The following CRIM1 variants were observed in gnomAD, a reference collection of about 807,000 sequenced individuals.
CRIM1 encodes the protein cysteine-rich motor neuron 1 protein.
A neutral mutation model predicts 116.4 loss-of-function variants in CRIM1; 32 were observed. That is an observed-to-expected ratio of 0.27 (90% CI 0.21 to 0.37). The LOEUF (loss-of-function observed/expected upper bound fraction) is 0.37. CRIM1 is among the 10% of genes least tolerant of loss of function. The pLI is 1.00. For missense variants in CRIM1, 1,331 were observed against 1,354.8 expected (o/e 0.98, Z 0.28); for synonymous variants, 590 against 509.2 (o/e 1.16, Z -2.13).
Position 36,513,602 on chromosome 2 carries a change from C to G in CRIM1, c.1827C>G (p.Leu609=). The change falls in exon 11 of 17, where the codon CTC becomes CTG. Residue 609 remains leucine (L), a synonymous_variant. Coordinates refer to ENST00000280527, the MANE Select transcript of CRIM1 (RefSeq NM_016441.3). The stretch of plus-strand genomic sequence containing the variant: ...CACCCATCCTGTCGGGCACTTGTCT[C>G]ACCGTGGATGGTCATCATCATAAAA... ...AGPPILSGTC[L]TVDGHHHKNE... The G allele has an allele frequency of 6.2e-7, 1 of 1,614,172 alleles. No individual in the cohort carries two copies. Among genetic ancestry groups the G allele is most frequent in the Non-Finnish European group, 8.5e-7 (1 of 1,180,028 alleles).
Position 36,401,076 on chromosome 2 carries a change from A to G in CRIM1, c.505+4289A>G, listed in dbSNP as rs1216274668. Among the ~76,000 whole-genome samples, 5 of 152,038 alleles carry G rather than the reference A, an allele frequency of 3.3e-5. No homozygotes were observed. The South Asian group carries it at 8.3e-4, about 25-fold the overall frequency. ...GTGGTGATGCTGAAAATGAATTCGAAATGTTGCTATAACATTTTTTAAAAC... is the reference window on the plus strand; with the variant it reads ...GTGGTGATGCTGAAAATGAATTCGAGATGTTGCTATAACATTTTTTAAAAC... On this transcript the variant is annotated intron_variant, in intron 2 of 16. Transcript: ENST00000280527.
At chr2:36,369,278 C>G (rs1022386965) in intron 1 of CRIM1, 6 of 152,364 alleles carry the variant, frequency 3.9e-5, no homozygotes, top group East Asian at 1.9e-4. Flanking sequence ...TTGCCCACAT[C>G]TGTGTGCTGT....
intron 2 of CRIM1, among the ~76,000 whole-genome samples, chr2:36,440,489 T>G (rs1231278839): frequency 6.6e-6 from 1 of 152,214 alleles, no homozygotes; most frequent in Non-Finnish European, 1.5e-5. Context: ...GAAGCTAAAC[T>G]GTGGACTGGG....
intron 5 of CRIM1, among the ~76,000 whole-genome samples, chr2:36,474,306 T>G (rs1678785714): frequency 6.6e-6 from 1 of 152,190 alleles, no homozygotes; most frequent in Non-Finnish European, 1.5e-5. Flanking sequence ...GGTGTCCTTT[T>G]AAGTCCCAAA....
At chr2:36,437,847 T>C (rs752045470) in intron 2 of CRIM1, among the ~76,000 whole-genome samples, 8 of 151,846 alleles carry the variant, frequency 5.3e-5, no homozygotes, top group Non-Finnish European at 2.9e-5. Context: ...AAGAGTGGGA[T>C]AACCAGCCGG....
intron 4 of CRIM1, among the ~76,000 whole-genome samples, chr2:36,446,890 G>A (rs1368289465): frequency 6.6e-6 from 1 of 152,196 alleles, no homozygotes; most frequent in African/African-American, 2.4e-5. Context: ...CCCTTTGTGA[G>A]TGTCTGCATG....
chr2:36,368,189 G>A (rs146008729), intron 1 of CRIM1, among the ~76,000 whole-genome samples: 1 of 152,210 alleles, frequency 6.6e-6, no homozygotes, highest in Admixed American at 6.5e-5. Flanking sequence ...ATGAAAGGGG[G>A]TGTGGGGTCG....
intron 2 of CRIM1, among the ~76,000 whole-genome samples, chr2:36,410,067 GT>G (rs1219127802): frequency 6.6e-6 from 1 of 152,174 alleles, no homozygotes; most frequent in African/African-American, 2.4e-5. Flanking sequence ...CTTGCTAAGT[GT>G]TTTCTGCATC....
chr2:36,398,963 A>G (rs1572644116), intron 2 of CRIM1, among the ~76,000 whole-genome samples: 2 of 152,334 alleles, frequency 1.3e-5, no homozygotes, highest in Admixed American at 1.3e-4. Context: ...GTGATAAGGT[A>G]TCATGGAGGG....
At chr2:36,516,318 G>A (rs1665029135) in intron 11 of CRIM1, among the ~76,000 whole-genome samples, 1 of 152,126 alleles carries the variant, frequency 6.6e-6, no homozygotes. Flanking sequence ...TAGCCGTGAT[G>A]TCTCCAGACT....
rs1679243616 is a variant in CRIM1, at chr2:36,479,533, A to G, written c.1211A>G (p.Tyr404Cys). The change falls in exon 7 of 17, where the codon TAT becomes TGT. Residue 404 changes from tyrosine to cysteine, a missense_variant. Tyr to Cys is a radical substitution (Grantham distance 194). Coordinates refer to ENST00000280527, the MANE Select transcript of CRIM1 (RefSeq NM_016441.3). ...VYPFNNPAGCYANGLILAHGD... is the reference protein window; with the variant it reads ...VYPFNNPAGCCANGLILAHGD... ...CCTTTTAATAATCCCGCTGGCTGCT[A>G]TGCCAATGGCCTGATCCTTGCCCAC... 3 of 1,614,232 alleles carry G rather than the reference A, an allele frequency of 1.9e-6. No individual in the cohort carries two copies. Among genetic ancestry groups the G allele is most frequent in the African/African-American group, 1.3e-5 (1 of 75,068 alleles).
At chr2:36,378,716 T>C (rs1670505079) in intron 1 of CRIM1, 1 of 154,748 alleles carries the variant, frequency 6.5e-6, no homozygotes, top group South Asian at 2.0e-4. Context: ...ACCTCAGTCA[T>C]TTTCAAAGTC....
chr2:36,408,799 A>T (rs959341921), intron 2 of CRIM1, among the ~76,000 whole-genome samples: 1 of 152,218 alleles, frequency 6.6e-6, no homozygotes, highest in Admixed American at 6.5e-5. Context: ...AAGAAAAAAA[A>T]AAAGTCTGTG....
chr2:36,416,445 C>T (rs1399331551), intron 2 of CRIM1, among the ~76,000 whole-genome samples: 1 of 152,168 alleles, frequency 6.6e-6, no homozygotes, highest in Middle Eastern at 3.4e-3. Flanking sequence ...TGAAAACAAT[C>T]AATAAAGGTG....
intron 14 of CRIM1, among the ~76,000 whole-genome samples, chr2:36,541,365 C>A (rs1030887987): frequency 1.3e-5 from 2 of 152,164 alleles, no homozygotes; most frequent in Admixed American, 1.3e-4. Flanking sequence ...ACAGTTTCAC[C>A]TTTACCATCT....
At chr2:36,414,641 TAAG>T (rs1234374034) in intron 2 of CRIM1, among the ~76,000 whole-genome samples, 1 of 152,136 alleles carries the variant, frequency 6.6e-6, no homozygotes. Flanking sequence ...GACTGAAAGG[TAAG>T]AAGGAGCTGG....
chr2:36,373,337 T>G (rs1670068093), intron 1 of CRIM1, among the ~76,000 whole-genome samples: 1 of 152,194 alleles, frequency 6.6e-6, no homozygotes, highest in Non-Finnish European at 1.5e-5. Flanking sequence ...TTCTTGTAAC[T>G]GAAAAATAGA....
intron 2 of CRIM1, among the ~76,000 whole-genome samples, chr2:36,419,055 A>G (rs374672840): frequency 6.6e-6 from 1 of 152,312 alleles, no homozygotes; most frequent in African/African-American, 2.4e-5. Flanking sequence ...TATCCCTGTA[A>G]TAAATATAAG....
At chr2:36,442,862 C>G in intron 4 of CRIM1, 127 bp downstream of exon 4, 1 of 1,122,516 alleles carries the variant, frequency 8.9e-7, no homozygotes. Flanking sequence ...GAAGAAATCA[C>G]TGAACTGTTT....
Sources: allele counts gnomAD v4.1 joint callset (sites outside exome capture counted in the v4.1 genomes callset), GRCh38; gene constraint gnomAD v4.1.1; transcripts MANE v1.5; gene names NCBI Gene and HGNC (gene_info 2026-07-23, HGNC 2026-07-21).